The following FMN1 variants were observed in gnomAD, a reference collection of about 807,000 sequenced individuals.
FMN1 encodes formin-1.
Under a neutral mutation model 132.4 loss-of-function variants are expected in FMN1, and 110 were observed. That is an observed-to-expected ratio of 0.83 (90% CI 0.71 to 0.97). FMN1 has a LOEUF of 0.97. Ranked by LOEUF, FMN1 falls within the 50% of genes least tolerant of loss-of-function variation. The pLI is 0.00. For synonymous variants in FMN1, 722 were observed against 651.7 expected, an observed-to-expected ratio of 1.11 and a Z score of -1.64; for missense variants, 1,792 against 1,705.3, an observed-to-expected ratio of 1.05 and a Z score of -0.90.
intron 2 of FMN1, among the ~76,000 whole-genome samples, chr15:33,180,860 C>T (rs997794471): frequency 4.7e-5 from 7 of 150,246 alleles, no homozygotes; most frequent in Non-Finnish European, 8.9e-5. Flanking sequence ...AGCCATTCAT[C>T]GGCCTCAGCC....
chr15:33,013,971 TGAA>T (rs2034888812), intron 6 of FMN1, among the ~76,000 whole-genome samples: 1 of 152,194 alleles, frequency 6.6e-6, no homozygotes, highest in South Asian at 2.1e-4. Context: ...AACAAACCGA[TGAA>T]GGAGACTACT....
chr15:33,161,656 C>T (rs575304381), intron 3 of FMN1, among the ~76,000 whole-genome samples: 21 of 152,280 alleles, frequency 1.4e-4, no homozygotes, highest in Non-Finnish European at 2.9e-4. Context: ...CAGTGGCTCA[C>T]GCCTGTAATC....
At chr15:32,808,584 C>T (rs993158326) in intron 17 of FMN1, among the ~76,000 whole-genome samples, 4 of 152,210 alleles carry the variant, frequency 2.6e-5, no homozygotes, top group Admixed American at 6.5e-5. Context: ...GGGTGATCGT[C>T]AGAAAATCAC....
chr15:32,791,205 C>T (rs2057064335), intron 19 of FMN1, among the ~76,000 whole-genome samples: 2 of 147,712 alleles, frequency 1.4e-5, no homozygotes, highest in African/African-American at 5.0e-5. Context: ...GAGGGCCATG[C>T]TATAATTTGG....
rs546473561 is a variant in FMN1, at chr15:32,855,174, A to G, written c.3928+1841T>C. ...GTGGAGAGTAAAAAAAAAAAAAAAA[A>G]AAAAAAAAGAAAAAAGAAAGAAAAT... On this transcript the variant is annotated intron_variant, in intron 17 of 20. Transcript: ENST00000616417. Among the ~76,000 whole-genome samples, 207 of 150,578 alleles carry G rather than the reference A, an allele frequency of 1.4e-3. 1 individual carries two copies. The highest frequency in any genetic ancestry group is 4.7e-3 in the African/African-American group (193 of 41,256).
intron 2 of FMN1, 147 bp downstream of exon 2, chr15:33,193,762 G>A (rs1471389683): frequency 6.6e-6 from 1 of 152,134 alleles, no homozygotes; most frequent in Non-Finnish European, 1.5e-5. Context: ...TTGCAAATGA[G>A]GATAAGGAAA....
chr15:32,915,058 C>G (rs1461701167), intron 10 of FMN1, among the ~76,000 whole-genome samples: 4 of 152,108 alleles, frequency 2.6e-5, no homozygotes, highest in Non-Finnish European at 4.4e-5. Context: ...GAAGCAATAT[C>G]AAGAGATTGA....
intron 6 of FMN1, among the ~76,000 whole-genome samples, chr15:33,050,056 T>G (rs2036896169): frequency 2.0e-5 from 3 of 152,360 alleles, no homozygotes; most frequent in Non-Finnish European, 2.9e-5. Flanking sequence ...ATTCAACACT[T>G]TATTACAAAA....
chr15:32,825,182 C>T (rs1207595765), intron 17 of FMN1, among the ~76,000 whole-genome samples: 2 of 152,236 alleles, frequency 1.3e-5, no homozygotes, highest in African/African-American at 4.8e-5. Context: ...ACTTCCTTAT[C>T]TACTTTTGCC....
At chr15:32,789,751 T>G (rs1355687576) in intron 19 of FMN1, among the ~76,000 whole-genome samples, 1 of 152,174 alleles carries the variant, frequency 6.6e-6, no homozygotes, top group Admixed American at 6.5e-5. Context: ...CCATTCATGG[T>G]TAAGCGCCCT....
At chr15:32,854,603 T>C (rs1341386663) in intron 17 of FMN1, among the ~76,000 whole-genome samples, 1 of 152,204 alleles carries the variant, frequency 6.6e-6, no homozygotes, top group Non-Finnish European at 1.5e-5. Flanking sequence ...TTGTCACTTT[T>C]ACCTCATCTG....
At chr15:32,874,045 G>A (rs2059582528) in intron 16 of FMN1, among the ~76,000 whole-genome samples, 1 of 121,666 alleles carries the variant, frequency 8.2e-6, no homozygotes, top group Admixed American at 9.1e-5. Context: ...TTGATACAGA[G>A]TCTTGCACTG....
rs1051953391 is a variant in FMN1, at chr15:32,767,660, G to C, written c.*6650C>G. ...TTAAAGGGAAGTTCTTTTTATTAAT[G>C]CATACTCTCTTTGAAGATAAGACAT... On this transcript the variant is annotated 3_prime_UTR_variant, in exon 21 of 21. Transcript: ENST00000616417. 2 of 152,116 alleles carry C rather than the reference G, an allele frequency of 1.3e-5. No homozygotes were observed. The highest frequency in any genetic ancestry group is 4.8e-5 in the African/African-American group (2 of 41,434). 9.4% of individuals were successfully genotyped at this position (152,116 alleles called of 1,614,324 possible). A position where few individuals can be genotyped will look rare whatever the true frequency, so the allele number is the denominator to read the frequency against.
chr15:32,844,237 C>T lies in FMN1; in HGVS notation c.3928+12778G>A, dbSNP rs150031861. ...CCATTAAAGTTGTTAATTATAGTGG[C>T]GTTCACTATCTTTTTCCATCATTTT... On this transcript the variant is annotated intron_variant, in intron 17 of 20. Coordinates refer to ENST00000616417, the MANE Select transcript of FMN1 (RefSeq NM_001277313.2). 1.3e-3 allele frequency among the ~76,000 whole-genome samples: 191 copies of T among 152,208 alleles called. 1 individual carries two copies. In the South Asian group the frequency reaches 0.017, roughly 14 times the overall value.
intron 4 of FMN1, among the ~76,000 whole-genome samples, chr15:33,102,069 C>T (rs1198522068): frequency 1.3e-5 from 2 of 152,066 alleles, no homozygotes; most frequent in Non-Finnish European, 2.9e-5. Flanking sequence ...TTTATCTCCC[C>T]TTTTCTATTC....
chr15:32,932,446 C>G (rs537942455), intron 9 of FMN1, among the ~76,000 whole-genome samples: 126 of 152,284 alleles, frequency 8.3e-4, no homozygotes, highest in Admixed American at 1.3e-3. Context: ...TTTGTAAGAG[C>G]TAATGACCTG....
chr15:32,910,798 A>C (rs1567375961), intron 10 of FMN1, among the ~76,000 whole-genome samples: 1 of 152,234 alleles, frequency 6.6e-6, no homozygotes. Context: ...TTTAGGCTCC[A>C]CAGGAGAAGT....
chr15:32,898,289 C>A (rs1360019007), intron 15 of FMN1, among the ~76,000 whole-genome samples: 2 of 149,766 alleles, frequency 1.3e-5, no homozygotes, highest in Non-Finnish European at 3.0e-5. Context: ...AATTACAACT[C>A]CTTGTTCTCA....
chr15:32,834,504 A>G (rs1202063992), intron 17 of FMN1, among the ~76,000 whole-genome samples: 5 of 152,220 alleles, frequency 3.3e-5, no homozygotes, highest in Non-Finnish European at 7.3e-5. Context: ...CAAAAGACAG[A>G]AAACAGGAGC....
Sources: allele counts gnomAD v4.1 joint callset (sites outside exome capture counted in the v4.1 genomes callset), GRCh38; gene constraint gnomAD v4.1.1; transcripts MANE v1.5; gene names NCBI Gene and HGNC (gene_info 2026-07-23, HGNC 2026-07-21).